ADAMTS6: variants seen among roughly 807,000 people sequenced by gnomAD.
The protein encoded by ADAMTS6 is ADAM metallopeptidase with thrombospondin type 1 motif 6, also known as A disintegrin and metalloproteinase with thrombospondin motifs 6.
Under a neutral mutation model 144.3 loss-of-function variants are expected in ADAMTS6, and 23 were observed. The observed-to-expected ratio is 0.16, with a 90% CI of 0.11 to 0.23. The LOEUF (loss-of-function observed/expected upper bound fraction) is 0.23. Ranked by LOEUF, ADAMTS6 falls within the 10% of genes least tolerant of loss-of-function variation. ADAMTS6 has a pLI of 1.00. For synonymous variants in ADAMTS6, 444 were observed against 457.5 expected, an observed-to-expected ratio of 0.97 and a Z score of 0.38; for missense variants, 999 against 1,379.6, an observed-to-expected ratio of 0.72 and a Z score of 4.37.
chr5:65,197,222 C>T, intron 20 of ADAMTS6, 71 bp from the exon 21 acceptor site: 1 of 1,527,172 alleles, frequency 6.5e-7, no homozygotes. Flanking sequence ...GCATAGCTTT[C>T]CTCTGTGGGG....
intron 14 of ADAMTS6, among the ~76,000 whole-genome samples, chr5:65,247,471 A>G (rs972119871): frequency 6.6e-6 from 1 of 152,180 alleles, no homozygotes; most frequent in Admixed American, 6.6e-5. Context: ...GTCCCAAAGA[A>G]TAGGGTGACG....
At chr5:65,454,682 AG>A (rs1759045128) in intron 4 of ADAMTS6, among the ~76,000 whole-genome samples, 1 of 152,210 alleles carries the variant, frequency 6.6e-6, no homozygotes, top group Non-Finnish European at 1.5e-5. Context: ...GCATTTGTCT[AG>A]AGTCTCTCCC....
intron 8 of ADAMTS6, among the ~76,000 whole-genome samples, chr5:65,330,344 CA>C (rs1450895854): frequency 6.6e-6 from 1 of 151,902 alleles, no homozygotes; most frequent in Non-Finnish European, 1.5e-5. Flanking sequence ...TGTGCAAAAG[CA>C]AAAATGTCAT....
chr5:65,178,734 G>GC (rs1341797500), intron 22 of ADAMTS6, among the ~76,000 whole-genome samples: 2 of 152,116 alleles, frequency 1.3e-5, no homozygotes, highest in African/African-American at 2.4e-5. Flanking sequence ...GAATATAAAG[G>GC]CCCCCCATAC....
At chr5:65,258,131 T>C (rs543640828) in intron 14 of ADAMTS6, among the ~76,000 whole-genome samples, 1 of 151,526 alleles carries the variant, frequency 6.6e-6, no homozygotes, top group Non-Finnish European at 1.5e-5. Flanking sequence ...GGGCAGAAAA[T>C]AGAGTAGGGT....
At chr5:65,241,001 C>T (rs1467767302) in intron 15 of ADAMTS6, among the ~76,000 whole-genome samples, 1 of 151,926 alleles carries the variant, frequency 6.6e-6, no homozygotes, top group East Asian at 1.9e-4. Context: ...TGCTGAAGTA[C>T]TTAGAGGAAA....
intron 14 of ADAMTS6, among the ~76,000 whole-genome samples, chr5:65,250,073 T>TGTTA (rs1760017606): frequency 6.6e-6 from 1 of 152,230 alleles, no homozygotes; most frequent in Non-Finnish European, 1.5e-5. Flanking sequence ...ATTAGCCTGT[T>TGTTA]GCTAAGCTTT....
At chr5:65,443,472 AT>A (rs1758024469) in intron 7 of ADAMTS6, among the ~76,000 whole-genome samples, 1 of 151,744 alleles carries the variant, frequency 6.6e-6, no homozygotes. Flanking sequence ...TATACAAAAA[AT>A]TAGCTGGGCA....
chr5:65,245,050 C>G (rs1759509865), intron 14 of ADAMTS6, among the ~76,000 whole-genome samples: 1 of 152,044 alleles, frequency 6.6e-6, no homozygotes, highest in African/African-American at 2.4e-5. Flanking sequence ...TTGTCTAAGC[C>G]TCATCTATAA....
chr5:65,423,836 T>G (rs1756277040), intron 7 of ADAMTS6, among the ~76,000 whole-genome samples: 1 of 152,166 alleles, frequency 6.6e-6, no homozygotes, highest in South Asian at 2.1e-4. Context: ...TAGCTGCTAC[T>G]TCAAAAAACA....
At chr5:65,469,556 ACTG>A (rs1196682727) in intron 3 of ADAMTS6, among the ~76,000 whole-genome samples, 1 of 152,226 alleles carries the variant, frequency 6.6e-6, no homozygotes, top group African/African-American at 2.4e-5. Flanking sequence ...AAGTCCTAAC[ACTG>A]CTTATAGAGA....
At chr5:65,367,342 C>G (rs1449415722) in intron 7 of ADAMTS6, among the ~76,000 whole-genome samples, 1 of 152,088 alleles carries the variant, frequency 6.6e-6, no homozygotes, top group Non-Finnish European at 1.5e-5. Context: ...AACCCTAGAG[C>G]CTTGAGAACA....
At chr5:65,345,978 G>A (rs1459299775) in intron 7 of ADAMTS6, among the ~76,000 whole-genome samples, 2 of 151,778 alleles carry the variant, frequency 1.3e-5, no homozygotes, top group Admixed American at 6.6e-5. Flanking sequence ...ATCTAAACAC[G>A]TTAGCCTGAA....
intron 7 of ADAMTS6, among the ~76,000 whole-genome samples, chr5:65,424,434 A>C (rs2150204710): frequency 6.6e-6 from 1 of 152,358 alleles, no homozygotes; most frequent in South Asian, 2.1e-4. Flanking sequence ...GTTTTATTGT[A>C]TTGTCAATGG....
intron 9 of ADAMTS6, among the ~76,000 whole-genome samples, chr5:65,322,011 T>C (rs768357147): frequency 1.3e-5 from 2 of 152,000 alleles, no homozygotes; most frequent in African/African-American, 2.4e-5. Flanking sequence ...CCACCGTGAC[T>C]AGCCTTCAAT....
At chr5:65,366,145 GA>G (rs1750290334) in intron 7 of ADAMTS6, among the ~76,000 whole-genome samples, 1 of 152,054 alleles carries the variant, frequency 6.6e-6, no homozygotes. Flanking sequence ...AAACTAACCT[GA>G]AGCAAACACA....
At chr5:65,231,799 A>G (rs533632232) in intron 15 of ADAMTS6, among the ~76,000 whole-genome samples, 1 of 152,258 alleles carries the variant, frequency 6.6e-6, no homozygotes, top group Non-Finnish European at 1.5e-5. Flanking sequence ...GAAATAAAAA[A>G]TTAAATCTAA....
intron 21 of ADAMTS6, among the ~76,000 whole-genome samples, chr5:65,194,236 A>T (rs1400355291): frequency 6.6e-6 from 1 of 152,248 alleles, no homozygotes; most frequent in Non-Finnish European, 1.5e-5. Context: ...TTACATGATA[A>T]GAAAGCAATA....
chr5:65,170,875 T>TG (rs1753576631), intron 23 of ADAMTS6, 102 bp from the exon 24 acceptor site: 1 of 1,291,586 alleles, frequency 7.7e-7, no homozygotes. Flanking sequence ...ATGAACTTTT[T>TG]TTTTTTTCTT....
Sources: gnomAD v4.1 joint callset for allele counts (sites outside exome capture counted in the v4.1 genomes callset) on GRCh38, gnomAD v4.1.1 for gene constraint, MANE v1.5 for transcripts, NCBI Gene and HGNC (gene_info 2026-07-23, HGNC 2026-07-21) for gene names.